SAR1A: variants seen among roughly 807,000 people sequenced by gnomAD.
SAR1A encodes the protein small COPII coat GTPase SAR1A.
A neutral mutation model predicts 22.6 loss-of-function variants in SAR1A; 6 were observed. The ratio of observed to expected loss-of-function variants is 0.27; its 90% confidence interval spans 0.15 to 0.52. The LOEUF (loss-of-function observed/expected upper bound fraction) is 0.52, where lower values mean the gene tolerates loss of function less well. SAR1A is among the 20% of genes least tolerant of loss of function. The probability of loss-of-function intolerance (pLI) is 0.96; values close to 1 mark genes in which losing one functional copy is unlikely to be tolerated. For synonymous variants in SAR1A, 70 were observed against 82.2 expected, an observed-to-expected ratio of 0.85 and a Z score of 0.80; for missense variants, 145 against 245.1, an observed-to-expected ratio of 0.59 and a Z score of 2.73.
intron 1 of SAR1A, among the ~76,000 whole-genome samples, chr10:70,168,529 T>C (rs1216405000): frequency 6.6e-6 from 1 of 151,946 alleles, no homozygotes; most frequent in African/African-American, 2.4e-5. Context: ...GAGGCAGAGG[T>C]TGTAGTGAGC....
intron 4 of SAR1A, among the ~76,000 whole-genome samples, chr10:70,158,219 C>T (rs1323426092): frequency 6.6e-6 from 1 of 152,234 alleles, no homozygotes; most frequent in South Asian, 2.1e-4. Context: ...AATTTCCCTG[C>T]TGTCTTACAG....
At chr10:70,162,648 A>T (rs1057377412) in intron 1 of SAR1A, 47 of 152,116 alleles carry the variant, frequency 3.1e-4, no homozygotes, top group African/African-American at 9.4e-4. Flanking sequence ...TTTTTGATCT[A>T]TGATACTCAG....
At chr10:70,166,174 C>T (rs189014056) in intron 1 of SAR1A, among the ~76,000 whole-genome samples, 17 of 152,310 alleles carry the variant, frequency 1.1e-4, no homozygotes, top group African/African-American at 1.9e-4. Flanking sequence ...CCAAAATATT[C>T]GTGTTACTTG....
chr10:70,165,121 C>T (rs1331625327), intron 1 of SAR1A, among the ~76,000 whole-genome samples: 2 of 151,716 alleles, frequency 1.3e-5, no homozygotes, highest in East Asian at 1.9e-4. Flanking sequence ...AAAAATTAGC[C>T]GGGCGTAGTG....
intron 5 of SAR1A, 126 bp downstream of exon 5, chr10:70,157,638 C>A (rs1839410059): frequency 3.2e-6 from 2 of 633,076 alleles, no homozygotes; most frequent in South Asian, 2.2e-5. Context: ...GCAACTAGGT[C>A]TTTTTGCCAA....
At chr10:70,156,067 G>A (rs924388924) in intron 5 of SAR1A, among the ~76,000 whole-genome samples, 1 of 152,152 alleles carries the variant, frequency 6.6e-6, no homozygotes, top group Non-Finnish European at 1.5e-5. Context: ...CAGGTAGGTG[G>A]TGGGTGGGAA....
chr10:70,153,194 A>G (rs1368792451), intron 6 of SAR1A, among the ~76,000 whole-genome samples: 1 of 152,258 alleles, frequency 6.6e-6, no homozygotes, highest in Non-Finnish European at 1.5e-5. Flanking sequence ...CAAGCTAAAA[A>G]GAACAGTAAG....
chr10:70,152,348 G>T lies in SAR1A; in HGVS notation c.*128C>A. 1 of 918,112 alleles carries T rather than the reference G, an allele frequency of 1.1e-6. No individual in the cohort carries two copies. The highest frequency in any genetic ancestry group is 1.7e-6 in the Non-Finnish European group (1 of 576,320). The allele number at this position is 918,112 out of a possible 1,614,324, so 56.9% of individuals were successfully genotyped here. ...ACTGGGCAATGAGAGAGTTGACAGA[G>T]ACTCTTGGCTTCTCAACGCCAGACA... On this transcript the variant is annotated 3_prime_UTR_variant, in exon 7 of 7. Transcript: ENST00000373241.
At chr10:70,160,964 A>G (rs755680972) in intron 4 of SAR1A, 40 bp downstream of exon 4, 12 of 1,490,014 alleles carry the variant, frequency 8.1e-6, no homozygotes, top group Middle Eastern at 1.8e-4. Flanking sequence ...CACAAAAAAA[A>G]TAAGTCAATA....
chr10:70,166,315 G>A (rs1280403660), intron 1 of SAR1A, among the ~76,000 whole-genome samples: 1 of 152,090 alleles, frequency 6.6e-6, no homozygotes, highest in Non-Finnish European at 1.5e-5. Flanking sequence ...CTAGACATAC[G>A]ACTGCTGTCA....
At chr10:70,161,223 G>C in intron 3 of SAR1A, 154 bp from the exon 4 acceptor site, 1 of 609,044 alleles carries the variant, frequency 1.6e-6, no homozygotes, top group Non-Finnish European at 2.8e-6. Context: ...AGCTACTCAG[G>C]AGGCTGAGGG....
At chr10:70,153,739 T>C in intron 6 of SAR1A, 99 bp downstream of exon 6, 3 of 1,001,090 alleles carry the variant, frequency 3.0e-6, no homozygotes, top group Non-Finnish European at 4.2e-6. Context: ...CCTAAGCCTG[T>C]TTAAGCCTTT....
rs1839311450 is a variant in SAR1A at position 70,150,317 on chromosome 10, G to A, written c.*2159C>T. On this transcript the variant is annotated 3_prime_UTR_variant, in exon 7 of 7. Coordinates refer to ENST00000373241, the MANE Select transcript of SAR1A (RefSeq NM_020150.5). ...TATGCACTCTGATAAAACAGAATGA[G>A]AAGTCATAATTCATGGGAATTCCTA... is the stretch of plus-strand genomic sequence containing the variant. The A allele has an allele frequency of 6.6e-6, 1 of 152,234 alleles. No homozygotes were observed. Among genetic ancestry groups the A allele is most frequent in the African/African-American group, 2.4e-5 (1 of 41,450 alleles). The allele number at this position is 152,234 out of a possible 1,614,324, so 9.4% of individuals were successfully genotyped here.
Position 70,152,414 on chromosome 10 carries a change from A to C in SAR1A, c.*62T>G. The C allele has an allele frequency of 7.8e-7, 1 of 1,282,206 alleles. No individual in the cohort carries two copies. Among genetic ancestry groups the C allele is most frequent in the South Asian group, 1.2e-5 (1 of 84,134 alleles). 79.4% of individuals were successfully genotyped at this position (1,282,206 alleles called of 1,614,324 possible). On this transcript the variant is annotated 3_prime_UTR_variant, in exon 7 of 7. Transcript: ENST00000373241. ...CCTTGTTCTATTAGAAAAGTTCATGAGGAAGCTGTGAATAGGATCAGTCCA... is the reference window on the plus strand; with the variant it reads ...CCTTGTTCTATTAGAAAAGTTCATGCGGAAGCTGTGAATAGGATCAGTCCA...
At chr10:70,164,181 T>C in intron 1 of SAR1A, 1 of 635,930 alleles carries the variant, frequency 1.6e-6, no homozygotes, top group Non-Finnish European at 2.9e-6. Context: ...TTTATTTGCC[T>C]TTTGTTTGTA....
chr10:70,148,771 CAG>C lies in SAR1A; in HGVS notation c.*3703_*3704del, dbSNP rs552686267. 1.4e-3 allele frequency: 217 copies of C among 152,538 alleles called. 2 individuals carry two copies. Among genetic ancestry groups the C allele is most frequent in the African/African-American group, 2.9e-3 (118 of 41,200 alleles). 9.4% of individuals were successfully genotyped at this position (152,538 alleles called of 1,614,324 possible). ...TACCACTGCACTCCAGCCTGGGCGA[CAG>C]AGTGAGACCAACTCAAAAAACAAAC... On this transcript the variant is annotated 3_prime_UTR_variant, in exon 7 of 7. Transcript: ENST00000373241.
At chr10:70,165,221 C>T (rs1839531817) in intron 1 of SAR1A, among the ~76,000 whole-genome samples, 2 of 148,710 alleles carry the variant, frequency 1.3e-5, no homozygotes, top group South Asian at 2.1e-4. Context: ...GCCGAGATCC[C>T]GCCACTGCAC....
chr10:70,163,594 T>C (rs1238349631), intron 1 of SAR1A: 5 of 633,946 alleles, frequency 7.9e-6, no homozygotes, highest in African/African-American at 7.3e-5. Context: ...CCTAGGGCCC[T>C]GAAGAATGAC....
rs2271691 is a variant in SAR1A, at chr10:70,154,066, T to C, written c.349-97A>G. 18,787 of 870,756 alleles carry C rather than the reference T, an allele frequency of 0.022. 476 individuals carry two copies. Among genetic ancestry groups the C allele is most frequent in the East Asian group, 0.12 (4,337 of 37,478 alleles). 53.9% of individuals were successfully genotyped at this position (870,756 alleles called of 1,614,324 possible). A position where few individuals can be genotyped will look rare whatever the true frequency, so the allele number is the denominator to read the frequency against. On this transcript the variant is annotated intron_variant, in intron 5 of 6. Transcript: ENST00000373241. ...ATGAAAATTCTGACTTCCACTAATC[T>C]TTTAAGGCATTAATGTAAAGTGAAA...
Sources: gnomAD v4.1 joint callset for allele counts (sites outside exome capture counted in the v4.1 genomes callset) on GRCh38, gnomAD v4.1.1 for gene constraint, MANE v1.5 for transcripts, NCBI Gene and HGNC (gene_info 2026-07-23, HGNC 2026-07-21) for gene names.